CIMIP6: variants seen among roughly 807,000 people sequenced by gnomAD.
CIMIP6 encodes uncharacterized protein C2orf73.
chr2:54,330,966 G>T, the CIMIP6 span: 1 of 1,613,154 alleles, frequency 6.2e-7, no homozygotes. Context: ...GCCTGGTGCC[G>T]TAGAGGCCCA....
At chr2:54,380,324 G>A in the CIMIP6 span, among the ~76,000 whole-genome samples, 4 of 152,062 alleles carry the variant, frequency 2.6e-5, no homozygotes, top group East Asian at 7.7e-4. Flanking sequence ...ATTGCCAAAG[G>A]CTCTTCAGTG....
the CIMIP6 span, among the ~76,000 whole-genome samples, chr2:54,350,156 A>G: frequency 1.3e-5 from 2 of 151,950 alleles, no homozygotes; most frequent in African/African-American, 4.8e-5. Context: ...ATACCCAGCC[A>G]GAGAATTATT....
At chr2:54,335,874 C>T in the CIMIP6 span, among the ~76,000 whole-genome samples, 2 of 152,160 alleles carry the variant, frequency 1.3e-5, no homozygotes, top group South Asian at 4.2e-4. Flanking sequence ...TGGTTTATGG[C>T]GCCTTTTTCT....
the CIMIP6 span, among the ~76,000 whole-genome samples, chr2:54,359,494 G>A: frequency 6.6e-6 from 1 of 151,992 alleles, no homozygotes; most frequent in Non-Finnish European, 1.5e-5. Flanking sequence ...GCTGGGCACA[G>A]TGACTTGACG....
At chr2:54,341,464 T>C in the CIMIP6 span, among the ~76,000 whole-genome samples, 1 of 152,186 alleles carries the variant, frequency 6.6e-6, no homozygotes, top group Admixed American at 6.5e-5. Context: ...AAATTTCTGA[T>C]CCTTATAAAT....
chr2:54,354,980 T>C, the CIMIP6 span, among the ~76,000 whole-genome samples: 2 of 152,152 alleles, frequency 1.3e-5, no homozygotes, highest in Admixed American at 6.6e-5. Flanking sequence ...TCCTCTTTGA[T>C]TTATTTCTAG....
chr2:54,350,198 GT>G, the CIMIP6 span, among the ~76,000 whole-genome samples: 115,357 of 151,944 alleles, frequency 0.76, 43,961 homozygotes, highest in Non-Finnish European at 0.8. Flanking sequence ...ATTATGGAAG[GT>G]TTTAGATTAC....
chr2:54,347,736 G>C, the CIMIP6 span, among the ~76,000 whole-genome samples: 1 of 152,110 alleles, frequency 6.6e-6, no homozygotes, highest in Non-Finnish European at 1.5e-5. Flanking sequence ...GAAAATCCAG[G>C]AGTCCCATAA....
chr2:54,375,005 G>T, the CIMIP6 span, among the ~76,000 whole-genome samples: 6 of 152,080 alleles, frequency 3.9e-5, no homozygotes, highest in African/African-American at 1.5e-4. Context: ...TAAATGCTGG[G>T]TACCTTTTTA....
chr2:54,335,322 A>G, the CIMIP6 span, among the ~76,000 whole-genome samples: 1 of 152,202 alleles, frequency 6.6e-6, no homozygotes, highest in Non-Finnish European at 1.5e-5. Context: ...ATATTCTAAT[A>G]TAAAAATGTC....
the CIMIP6 span, among the ~76,000 whole-genome samples, chr2:54,365,253 G>A: frequency 6.6e-6 from 1 of 152,100 alleles, no homozygotes; most frequent in African/African-American, 2.4e-5. Flanking sequence ...AGAAGGAAAT[G>A]CAAACCAAGA....
At chr2:54,337,325 G>C in the CIMIP6 span, among the ~76,000 whole-genome samples, 1 of 152,156 alleles carries the variant, frequency 6.6e-6, no homozygotes, top group Non-Finnish European at 1.5e-5. Context: ...AATTTCATGA[G>C]CTAAACCCCT....
chr2:54,379,347 T>C, the CIMIP6 span, among the ~76,000 whole-genome samples: 1 of 152,204 alleles, frequency 6.6e-6, no homozygotes, highest in Non-Finnish European at 1.5e-5. Flanking sequence ...TTCTATTTTT[T>C]CTCCAGTTCT....
At chr2:54,360,305 G>C in the CIMIP6 span, 1 of 1,611,778 alleles carries the variant, frequency 6.2e-7, no homozygotes, top group Admixed American at 1.7e-5. Flanking sequence ...ACGTTCATCA[G>C]AACAGTCCAA....
chr2:54,344,435 G>A, the CIMIP6 span, among the ~76,000 whole-genome samples: 1 of 152,142 alleles, frequency 6.6e-6, no homozygotes, highest in Non-Finnish European at 1.5e-5. Flanking sequence ...ATAGATAAAA[G>A]AGAATAAAGA....
At chr2:54,362,853 A>G in the CIMIP6 span, among the ~76,000 whole-genome samples, 2 of 152,162 alleles carry the variant, frequency 1.3e-5, no homozygotes, top group Non-Finnish European at 2.9e-5. Context: ...GGCTCTCATT[A>G]TCTTTCTCAT....
chr2:54,382,647 C>G, the CIMIP6 span, among the ~76,000 whole-genome samples: 1 of 152,186 alleles, frequency 6.6e-6, no homozygotes, highest in Admixed American at 6.5e-5. Context: ...TAACTAGACC[C>G]TCCACATGCT....
At chr2:54,359,670 T>A in the CIMIP6 span, among the ~76,000 whole-genome samples, 1 of 151,924 alleles carries the variant, frequency 6.6e-6, no homozygotes, top group African/African-American at 2.4e-5. Flanking sequence ...ATATGCTTAA[T>A]ACATGTGTGT....
chr2:54,368,424 C>T, the CIMIP6 span, among the ~76,000 whole-genome samples: 1 of 152,238 alleles, frequency 6.6e-6, no homozygotes, highest in Non-Finnish European at 1.5e-5. Flanking sequence ...TTGCAGTCTC[C>T]TCCATTGGGT....
Sources: gnomAD v4.1 joint callset for allele counts (sites outside exome capture counted in the v4.1 genomes callset) on GRCh38, gnomAD v4.1.1 for gene constraint, MANE v1.5 for transcripts, NCBI Gene and HGNC (gene_info 2026-07-23, HGNC 2026-07-21) for gene names.